Variants in SLC39A11 observed in about 807,000 individuals in gnomAD.
The protein encoded by SLC39A11 is zinc transporter ZIP11.
In SLC39A11, 33 loss-of-function variants were observed where a neutral mutation model predicts 36.1. The ratio of observed to expected loss-of-function variants is 0.91; its 90% CI spans 0.69 to 1.22. The LOEUF (loss-of-function observed/expected upper bound fraction) is 1.22, where lower values mean the gene tolerates loss of function less well. Ranked by LOEUF, SLC39A11 falls within the 50% of genes most tolerant of loss-of-function variation. SLC39A11 has a pLI of 0.00. For synonymous variants in SLC39A11, 166 were observed against 170.3 expected, an observed-to-expected ratio of 0.97 and a Z score of 0.20; for missense variants, 432 against 430.3, an observed-to-expected ratio of 1.00 and a Z score of -0.03.
At chr17:73,060,072 G>T (rs2059791617) in intron 3 of SLC39A11, among the ~76,000 whole-genome samples, 1 of 152,030 alleles carries the variant, frequency 6.6e-6, no homozygotes, top group African/African-American at 2.4e-5. Flanking sequence ...GGCCAAGCAT[G>T]GTGGTGGGTG....
Position 73,085,056 on chromosome 17 carries a change from G to A in SLC39A11, c.109-210C>T, listed in dbSNP as rs79846305. On this transcript the variant is annotated intron_variant, in intron 2 of 9. Transcript: ENST00000255559. ...ACCCACCCCATAGCCAATCAGAAGC[G>A]TTCTTTCAAGTGGTGCTTGGCTTGT... 5.7e-3 allele frequency among the ~76,000 whole-genome samples: 874 copies of A among 152,264 alleles called. 6 individuals are homozygous for A. Among genetic ancestry groups the A allele is most frequent in the African/African-American group, 0.02 (836 of 41,550 alleles).
At chr17:72,787,622 T>G (rs2076566547) in intron 6 of SLC39A11, among the ~76,000 whole-genome samples, 1 of 152,200 alleles carries the variant, frequency 6.6e-6, no homozygotes, top group African/African-American at 2.4e-5. Context: ...TTCCTCTCTC[T>G]CTTCAACTTT....
intron 5 of SLC39A11, among the ~76,000 whole-genome samples, chr17:72,876,142 G>T (rs1325091091): frequency 6.6e-6 from 1 of 152,168 alleles, no homozygotes; most frequent in Non-Finnish European, 1.5e-5. Context: ...GTTAAACCTG[G>T]AATGTTTCCT....
chr17:72,788,737 C>G (rs1478412488), intron 6 of SLC39A11, among the ~76,000 whole-genome samples: 1 of 152,222 alleles, frequency 6.6e-6, no homozygotes. Context: ...GATGCTCTCC[C>G]AACTAAACCT....
chr17:73,088,120 C>A (rs2060795665), intron 2 of SLC39A11, among the ~76,000 whole-genome samples: 1 of 151,854 alleles, frequency 6.6e-6, no homozygotes, highest in Non-Finnish European at 1.5e-5. Flanking sequence ...GTGGTGAAAT[C>A]CCACCTCTAC....
chr17:72,849,430 C>T (rs2079195048), intron 6 of SLC39A11, among the ~76,000 whole-genome samples: 3 of 152,160 alleles, frequency 2.0e-5, no homozygotes, highest in Admixed American at 2.0e-4. Flanking sequence ...TTTAAACTAA[C>T]CGGAATGGGA....
At chr17:73,029,082 C>A (rs1236441627) in intron 4 of SLC39A11, among the ~76,000 whole-genome samples, 1 of 149,730 alleles carries the variant, frequency 6.7e-6, no homozygotes, top group Admixed American at 6.7e-5. Flanking sequence ...CACGCCATTG[C>A]ACTCCAGCCT....
intron 5 of SLC39A11, among the ~76,000 whole-genome samples, chr17:72,854,292 T>C (rs1036271052): frequency 2.4e-5 from 3 of 127,350 alleles, no homozygotes; most frequent in African/African-American, 9.0e-5. Flanking sequence ...TAGGGCCTCA[T>C]GGTTGACTGG....
intron 7 of SLC39A11, among the ~76,000 whole-genome samples, chr17:72,708,045 C>G (rs912561014): frequency 3.3e-5 from 5 of 152,180 alleles, no homozygotes; most frequent in Non-Finnish European, 5.9e-5. Flanking sequence ...CCAGACTGCT[C>G]CACTCCAGTT....
intron 3 of SLC39A11, among the ~76,000 whole-genome samples, chr17:73,084,280 C>G (rs1163350420): frequency 6.6e-6 from 1 of 151,664 alleles, no homozygotes; most frequent in Non-Finnish European, 1.5e-5. Context: ...TCTGCAAAAA[C>G]TCAAAAATCA....
chr17:72,826,868 T>C lies in SLC39A11; in HGVS notation c.601+22766A>G, dbSNP rs1472940812. Among the ~76,000 whole-genome samples the C allele has an allele frequency of 5.3e-5, 8 of 152,282 alleles. 1 individual carries two copies. The highest frequency in any genetic ancestry group is 5.2e-4 in the Admixed American group (8 of 15,300). ...ATAATAACAAGTGTTGGTGAAGATG[T>C]AGAGAAACGGAACCCTCCTATATTG... On this transcript the variant is annotated intron_variant, in intron 6 of 9. Transcript: ENST00000255559.
intron 4 of SLC39A11, among the ~76,000 whole-genome samples, chr17:73,022,406 C>T (rs1481160426): frequency 6.6e-6 from 1 of 152,020 alleles, no homozygotes; most frequent in Non-Finnish European, 1.5e-5. Flanking sequence ...ACCAGCCTGG[C>T]CAACATGGCG....
intron 7 of SLC39A11, among the ~76,000 whole-genome samples, chr17:72,729,457 A>ATTTTTTTTTTTTTTTTT (rs55729197): frequency 2.8e-4 from 2 of 7,238 alleles, no homozygotes; most frequent in African/African-American, 6.7e-4. Context: ...ATATATATAT[A>ATTTTTTTTTTTTTTTTT]TTTTTTTTTT....
intron 6 of SLC39A11, among the ~76,000 whole-genome samples, chr17:72,819,347 C>G (rs545633859): frequency 4.0e-5 from 6 of 151,464 alleles, no homozygotes; most frequent in African/African-American, 1.4e-4. Flanking sequence ...CCTCAGAGCC[C>G]TCAGAAGGAA....
intron 6 of SLC39A11, among the ~76,000 whole-genome samples, chr17:72,748,940 C>A (rs913122000): frequency 6.6e-6 from 1 of 152,202 alleles, no homozygotes; most frequent in Non-Finnish European, 1.5e-5. Flanking sequence ...GAAAGGGCAC[C>A]GCAGTCTACC....
chr17:72,961,760 G>C (rs2086629932), intron 4 of SLC39A11, among the ~76,000 whole-genome samples: 1 of 152,032 alleles, frequency 6.6e-6, no homozygotes, highest in Admixed American at 6.6e-5. Context: ...CTGGGGGAGG[G>C]ATAATATTAA....
chr17:73,038,678 G>T (rs2059005059), intron 3 of SLC39A11, among the ~76,000 whole-genome samples: 2 of 150,366 alleles, frequency 1.3e-5, no homozygotes, highest in South Asian at 4.2e-4. Context: ...CTGCACTCTA[G>T]CCTGGGCGAC....
At chr17:72,959,313 G>C (rs987763528) in intron 4 of SLC39A11, among the ~76,000 whole-genome samples, 1 of 73,988 alleles carries the variant, frequency 1.4e-5, no homozygotes, top group Non-Finnish European at 2.4e-5. Flanking sequence ...GTGTATGTAT[G>C]TGTGTGTGTG....
At chr17:73,019,380 T>C (rs1010507454) in intron 4 of SLC39A11, among the ~76,000 whole-genome samples, 4 of 152,172 alleles carry the variant, frequency 2.6e-5, no homozygotes, top group African/African-American at 9.7e-5. Flanking sequence ...TAAAGATTTA[T>C]GACATGTGAA....
Sources: gnomAD v4.1 joint callset for allele counts (sites outside exome capture counted in the v4.1 genomes callset) on GRCh38, gnomAD v4.1.1 for gene constraint, MANE v1.5 for transcripts, NCBI Gene and HGNC (gene_info 2026-07-23, HGNC 2026-07-21) for gene names.